The following ADGRB3 variants were observed in gnomAD, a reference collection of about 807,000 sequenced individuals.
ADGRB3 encodes brain-specific angiogenesis inhibitor 3.
Under a neutral mutation model 193.4 loss-of-function variants are expected in ADGRB3, and 37 were observed. That is an observed-to-expected ratio of 0.19 (90% CI 0.15 to 0.25). The LOEUF (loss-of-function observed/expected upper bound fraction) is 0.25. Among genes scored for constraint, ADGRB3 ranks in the 10% least tolerant of loss-of-function variants. The probability of loss-of-function intolerance (pLI) is 1.00; values close to 1 mark genes in which losing one functional copy is unlikely to be tolerated. For missense variants in ADGRB3, 1,637 were observed against 1,852.9 expected, an observed-to-expected ratio of 0.88 and a Z score of 2.14; for synonymous variants, 690 against 644.2, an observed-to-expected ratio of 1.07 and a Z score of -1.08.
chr6:69,165,181 T>A (rs775906489), intron 17 of ADGRB3, among the ~76,000 whole-genome samples: 3 of 152,038 alleles, frequency 2.0e-5, no homozygotes, highest in Non-Finnish European at 4.4e-5. Context: ...ACAACACAGA[T>A]CCTTTTGAAA....
intron 20 of ADGRB3, among the ~76,000 whole-genome samples, chr6:69,252,880 TTCTATATTATCTTA>T (rs1416398981): frequency 4.9e-4 from 75 of 152,242 alleles, no homozygotes; most frequent in African/African-American, 1.7e-3. Context: ...AAAAATGTTT[TTCTATATTATCTTA>T]TCTATATTCT....
intron 17 of ADGRB3, among the ~76,000 whole-genome samples, chr6:69,082,766 T>C (rs1321108448): frequency 6.6e-6 from 1 of 152,194 alleles, no homozygotes; most frequent in Non-Finnish European, 1.5e-5. Flanking sequence ...GGTTTGTTTC[T>C]GCTCTCTTTT....
chr6:68,885,287 G>A (rs552634509), intron 3 of ADGRB3, among the ~76,000 whole-genome samples: 2 of 152,188 alleles, frequency 1.3e-5, no homozygotes, highest in East Asian at 3.9e-4. Flanking sequence ...ATGATTAGAA[G>A]ATAGTTTGAT....
chr6:69,027,194 T>C (rs552708386), intron 13 of ADGRB3, among the ~76,000 whole-genome samples: 76 of 152,130 alleles, frequency 5.0e-4, no homozygotes, highest in Middle Eastern at 3.4e-3. Context: ...TTTTTTCTAT[T>C]TTTAATTTTT....
At chr6:68,786,302 C>A (rs1766968251) in intron 3 of ADGRB3, among the ~76,000 whole-genome samples, 1 of 152,190 alleles carries the variant, frequency 6.6e-6, no homozygotes, top group South Asian at 2.1e-4. Context: ...ACATTTAAGT[C>A]TTTAATCCAT....
At position 69,158,124 on chromosome 6, in the gene ADGRB3, G is replaced by T. The variant is rs1466302927; in HGVS notation, c.2481-75166G>T. On this transcript the variant is annotated intron_variant, in intron 17 of 31. Coordinates refer to ENST00000370598, the MANE Select transcript of ADGRB3 (RefSeq NM_001704.3). ...CATAAAAGATATATAAACCCTAGTAGCATTTATGATGATTTTCTTATTCAT... is the reference window on the plus strand; with the variant it reads ...CATAAAAGATATATAAACCCTAGTATCATTTATGATGATTTTCTTATTCAT... 2.0e-5 allele frequency among the ~76,000 whole-genome samples: 3 copies of T among 151,932 alleles called. No homozygotes were observed. The East Asian group carries it at 5.8e-4, about 29-fold the overall frequency.
At chr6:68,899,566 T>C (rs1766335476) in intron 3 of ADGRB3, among the ~76,000 whole-genome samples, 1 of 151,784 alleles carries the variant, frequency 6.6e-6, no homozygotes, top group Non-Finnish European at 1.5e-5. Flanking sequence ...CTTGTGATAG[T>C]TTACTGAGAA....
At chr6:68,932,688 T>C (rs199709658) in intron 4 of ADGRB3, among the ~76,000 whole-genome samples, 2 of 151,872 alleles carry the variant, frequency 1.3e-5, no homozygotes, top group Admixed American at 1.3e-4. Context: ...GCTTTACTTA[T>C]AAAAGTGTTC....
At chr6:69,290,936 C>A (rs1290152324) in intron 20 of ADGRB3, among the ~76,000 whole-genome samples, 3 of 151,978 alleles carry the variant, frequency 2.0e-5, no homozygotes, top group Non-Finnish European at 2.9e-5. Flanking sequence ...AAGATAATTA[C>A]CTTTATCAGA....
intron 3 of ADGRB3, among the ~76,000 whole-genome samples, chr6:68,885,000 T>G (rs1311879926): frequency 6.6e-6 from 1 of 152,166 alleles, no homozygotes; most frequent in Non-Finnish European, 1.5e-5. Flanking sequence ...CACAAGCATA[T>G]GAAAAGTTAA....
At chr6:69,080,951 T>C (rs1772369611) in intron 17 of ADGRB3, among the ~76,000 whole-genome samples, 1 of 151,996 alleles carries the variant, frequency 6.6e-6, no homozygotes, top group South Asian at 2.1e-4. Context: ...GTATGTCCAA[T>C]ATATGTTCTA....
At chr6:68,933,337 A>G (rs778386060) in intron 4 of ADGRB3, among the ~76,000 whole-genome samples, 3 of 152,208 alleles carry the variant, frequency 2.0e-5, no homozygotes, top group African/African-American at 7.2e-5. Flanking sequence ...CATGCCTGCA[A>G]TCCTAGCACT....
At chr6:69,352,754 A>G (rs1769254059) in intron 26 of ADGRB3, among the ~76,000 whole-genome samples, 1 of 152,208 alleles carries the variant, frequency 6.6e-6, no homozygotes, top group African/African-American at 2.4e-5. Context: ...GCTAAAAACA[A>G]TGTAATAGGC....
intron 13 of ADGRB3, among the ~76,000 whole-genome samples, chr6:69,036,555 G>A (rs7756040): frequency 0.43 from 64,546 of 151,830 alleles, 14,405 homozygotes; most frequent in African/African-American, 0.47. Context: ...TCTAGCGTGG[G>A]AGGCAGAAAA....
chr6:68,995,353 A>G (rs1236744638), intron 11 of ADGRB3, among the ~76,000 whole-genome samples: 1 of 152,228 alleles, frequency 6.6e-6, no homozygotes, highest in Non-Finnish European at 1.5e-5. Flanking sequence ...CACAGTTGAA[A>G]CATTAGGTAA....
chr6:68,912,087 T>C (rs1374419587), intron 3 of ADGRB3, among the ~76,000 whole-genome samples: 1 of 152,120 alleles, frequency 6.6e-6, no homozygotes, highest in Non-Finnish European at 1.5e-5. Context: ...GTAAAAGAGT[T>C]CAGTTCTTTC....
At chr6:68,993,285 G>A (rs1232691352) in intron 10 of ADGRB3, among the ~76,000 whole-genome samples, 1 of 151,972 alleles carries the variant, frequency 6.6e-6, no homozygotes, top group Non-Finnish European at 1.5e-5. Context: ...AATTTGTGCT[G>A]CTAATAACTT....
chr6:69,075,369 G>A (rs759174676), intron 16 of ADGRB3, among the ~76,000 whole-genome samples: 1 of 152,132 alleles, frequency 6.6e-6, no homozygotes, highest in Non-Finnish European at 1.5e-5. Context: ...AAAATCCATG[G>A]TGTTATCTTG....
chr6:68,956,543 A>AAGTTAAATATTT, intron 7 of ADGRB3, 102 bp from the exon 8 acceptor site: 1 of 1,375,028 alleles, frequency 7.3e-7, no homozygotes, highest in Non-Finnish European at 1.0e-6. Context: ...TCACAGTAGT[A>AAGTTAAATATTT]GATTAACAAA....
Sources: gnomAD v4.1 joint callset for allele counts (sites outside exome capture counted in the v4.1 genomes callset) on GRCh38, gnomAD v4.1.1 for gene constraint, MANE v1.5 for transcripts, NCBI Gene and HGNC (gene_info 2026-07-23, HGNC 2026-07-21) for gene names.